RBFOX1: variants seen among roughly 807,000 people sequenced by gnomAD.
The protein encoded by RBFOX1 is RNA binding fox-1 homolog 1.
In RBFOX1, 8 loss-of-function variants were observed where a neutral mutation model predicts 57.7. The observed-to-expected ratio is 0.14, with a 90% CI of 0.08 to 0.25. The LOEUF (loss-of-function observed/expected upper bound fraction) is 0.25, where lower values mean the gene tolerates loss of function less well. Among genes scored for constraint, RBFOX1 ranks in the 10% least tolerant of loss-of-function variants. RBFOX1 has a pLI of 1.00. For missense variants in RBFOX1, 611 were observed against 548.5 expected (o/e 1.11, Z -1.14); for synonymous variants, 326 against 222.4 (o/e 1.47, Z -4.15).
intron 1 of RBFOX1, among the ~76,000 whole-genome samples, chr16:6,160,492 C>T (rs1318494396): frequency 6.6e-6 from 1 of 152,132 alleles, no homozygotes; most frequent in African/African-American, 2.4e-5. Flanking sequence ...CCCTCCAGCA[C>T]CATCACCCTG....
intron 1 of RBFOX1, among the ~76,000 whole-genome samples, chr16:6,094,494 A>G (rs942762687): frequency 6.6e-6 from 1 of 152,204 alleles, no homozygotes; most frequent in African/African-American, 2.4e-5. Context: ...TGCTCACTAG[A>G]CATTAGAATA....
intron 3 of RBFOX1, among the ~76,000 whole-genome samples, chr16:6,938,386 C>T (rs1483046271): frequency 6.6e-6 from 1 of 152,106 alleles, no homozygotes; most frequent in Non-Finnish European, 1.5e-5. Context: ...AGAGCATTAC[C>T]TGGAAAATAG....
intron 2 of RBFOX1, among the ~76,000 whole-genome samples, chr16:6,375,033 TTAC>T (rs1187459048): frequency 6.6e-6 from 1 of 152,210 alleles, no homozygotes; most frequent in African/African-American, 2.4e-5. Context: ...TGCTCCTTTT[TTAC>T]ATTTCCTGCT....
intron 3 of RBFOX1, among the ~76,000 whole-genome samples, chr16:7,047,264 T>G (rs966503002): frequency 5.9e-5 from 9 of 152,190 alleles, no homozygotes; most frequent in Non-Finnish European, 7.4e-5. Flanking sequence ...TTTTCTTAGT[T>G]ACTTTCATAT....
chr16:6,580,389 G>A (rs1184563807), intron 2 of RBFOX1, among the ~76,000 whole-genome samples: 2 of 152,102 alleles, frequency 1.3e-5, no homozygotes, highest in African/African-American at 4.8e-5. Flanking sequence ...ATCTGGAGAG[G>A]AGCACTACTT....
chr16:5,507,811 G>T (rs181943793), intron 2 of RBFOX1, among the ~76,000 whole-genome samples: 17 of 152,284 alleles, frequency 1.1e-4, no homozygotes, highest in Admixed American at 3.9e-4. Flanking sequence ...CCCAAGGATC[G>T]CTGGAACCAC....
chr16:6,706,681 C>A (rs1226342135), intron 3 of RBFOX1, among the ~76,000 whole-genome samples: 1 of 148,704 alleles, frequency 6.7e-6, no homozygotes. Context: ...CTTTAATTGG[C>A]TGAGTTGTTC....
At chr16:6,369,361 G>C (rs2090111705) in intron 2 of RBFOX1, among the ~76,000 whole-genome samples, 1 of 152,118 alleles carries the variant, frequency 6.6e-6, no homozygotes, top group African/African-American at 2.4e-5. Flanking sequence ...TGAAAGGATT[G>C]ATTTAAAAAA....
At chr16:5,613,123 T>G (rs1340688200) in intron 3 of RBFOX1, among the ~76,000 whole-genome samples, 4 of 152,200 alleles carry the variant, frequency 2.6e-5, no homozygotes, top group African/African-American at 9.6e-5. Flanking sequence ...CTCAGGTTTC[T>G]TTGAGGGGCC....
At chr16:6,402,926 A>T (rs2093133565) in intron 2 of RBFOX1, among the ~76,000 whole-genome samples, 1 of 152,194 alleles carries the variant, frequency 6.6e-6, no homozygotes, top group Non-Finnish European at 1.5e-5. Flanking sequence ...AAGCTTCAGT[A>T]GACATGTTTT....
At chr16:5,758,821 G>A (rs184724186) in intron 3 of RBFOX1, among the ~76,000 whole-genome samples, 6 of 152,268 alleles carry the variant, frequency 3.9e-5, no homozygotes, top group Admixed American at 2.0e-4. Context: ...GGGAATGTAT[G>A]CTCCCCTAGA....
intron 2 of RBFOX1, among the ~76,000 whole-genome samples, chr16:6,375,942 G>A (rs2091119385): frequency 6.6e-6 from 1 of 152,142 alleles, no homozygotes; most frequent in African/African-American, 2.4e-5. Context: ...GGGTGCCAGT[G>A]AACTTGGATT....
At chr16:6,697,139 G>T (rs551231498) in intron 3 of RBFOX1, among the ~76,000 whole-genome samples, 1 of 152,268 alleles carries the variant, frequency 6.6e-6, no homozygotes, top group East Asian at 1.9e-4. Flanking sequence ...GATATTCAGG[G>T]ATTGACTAGA....
intron 2 of RBFOX1, among the ~76,000 whole-genome samples, chr16:6,541,741 A>C (rs1490047412): frequency 6.6e-6 from 1 of 152,180 alleles, no homozygotes; most frequent in Non-Finnish European, 1.5e-5. Context: ...AGCTGTGGGC[A>C]GGAGCTAATG....
At chr16:6,399,886 C>T (rs1416347506) in intron 2 of RBFOX1, among the ~76,000 whole-genome samples, 1 of 152,092 alleles carries the variant, frequency 6.6e-6, no homozygotes, top group Non-Finnish European at 1.5e-5. Flanking sequence ...AATGAGTGCC[C>T]AATGAAGGGA....
chr16:5,837,870 C>T (rs893532886), intron 3 of RBFOX1, among the ~76,000 whole-genome samples: 2 of 152,032 alleles, frequency 1.3e-5, no homozygotes, highest in Non-Finnish European at 2.9e-5. Flanking sequence ...CTCAATAAAT[C>T]CTTGAGTTGG....
At chr16:5,787,171 T>G (rs942493386) in intron 3 of RBFOX1, among the ~76,000 whole-genome samples, 9 of 152,132 alleles carry the variant, frequency 5.9e-5, no homozygotes, top group Non-Finnish European at 1.3e-4. Flanking sequence ...TCATAGCATT[T>G]CTTTTTGTGA....
At chr16:6,662,273 C>G (rs537177281) in intron 3 of RBFOX1, among the ~76,000 whole-genome samples, 2 of 152,192 alleles carry the variant, frequency 1.3e-5, no homozygotes, top group African/African-American at 2.4e-5. Context: ...GAGAGTAGAT[C>G]TCAACTGTTC....
intron 1 of RBFOX1, among the ~76,000 whole-genome samples, chr16:5,264,707 G>A (rs971726375): frequency 6.6e-6 from 1 of 152,178 alleles, no homozygotes; most frequent in Non-Finnish European, 1.5e-5. Flanking sequence ...GTACTGGCCA[G>A]TAGGCTGGGG....
Sources: gnomAD v4.1 joint callset for allele counts (sites outside exome capture counted in the v4.1 genomes callset) on GRCh38, gnomAD v4.1.1 for gene constraint, MANE v1.5 for transcripts, NCBI Gene and HGNC (gene_info 2026-07-23, HGNC 2026-07-21) for gene names.